Variants in GPR153 observed in about 807,000 individuals in gnomAD.
The protein encoded by GPR153 is probable G protein-coupled receptor 153.
A neutral mutation model predicts 34.1 loss-of-function variants in GPR153; 27 were observed. That is an observed-to-expected ratio of 0.79 (90% CI 0.58 to 1.09). The LOEUF (loss-of-function observed/expected upper bound fraction) is 1.09, where lower values mean the gene tolerates loss of function less well. GPR153 is among the 50% of genes least tolerant of loss of function. The pLI, the probability that GPR153 is intolerant of heterozygous loss-of-function variation, is 0.00. For synonymous variants in GPR153, 408 were observed against 405.4 expected (o/e 1.01, Z -0.08); for missense variants, 848 against 860.2 (o/e 0.99, Z 0.18).
chr1:6,259,665 G>C (rs1239539970), intron 1 of GPR153, among the ~76,000 whole-genome samples: 1 of 152,132 alleles, frequency 6.6e-6, no homozygotes, highest in Non-Finnish European at 1.5e-5. Context: ...CCTGGGCACT[G>C]TAGTCTTGGC....
rs770961907 is a variant in GPR153, at chr1:6,251,307, C to G, written c.979+31G>C. The G allele has an allele frequency of 3.2e-6, 5 of 1,546,122 alleles. 1 individual carries two copies. The South Asian group carries it at 6.0e-5, about 19-fold the overall frequency. ...CCAATGACCTAACCTAGACGCCACT[C>G]TCCCTGGGGCCACTCTCAGGCCATC... On this transcript the variant is annotated intron_variant, in intron 4 of 5. Transcript: ENST00000377893. The surrounding 1 kb of genome is among the most constrained non-coding windows in gnomAD (Gnocchi z 4.9).
intron 5 of GPR153, 81 bp from the exon 6 acceptor site, chr1:6,250,084 C>A: frequency 1.6e-6 from 2 of 1,278,646 alleles, no homozygotes; most frequent in Non-Finnish European, 2.0e-6. Context: ...TGGGGAAAGG[C>A]CTTCCGTGGG....
chr1:6,254,205 G>T (rs548697527), intron 2 of GPR153, 58 bp from the exon 3 acceptor site: 3 of 1,508,318 alleles, frequency 2.0e-6, no homozygotes, highest in Non-Finnish European at 2.7e-6. Context: ...GCCTCCCCAG[G>T]CCTCTGGGGA....
In GPR153 at chr1:6,247,435, C is replaced by A. The variant is rs920515712; in HGVS notation, c.*1903G>T. The A allele has an allele frequency of 1.3e-5, 2 of 152,228 alleles. No homozygotes were observed. The highest frequency in any genetic ancestry group is 6.5e-5 in the Admixed American group (1 of 15,286). 9.4% of individuals were successfully genotyped at this position (152,228 alleles called of 1,614,324 possible). A position where few individuals can be genotyped will look rare whatever the true frequency, so the allele number is the denominator to read the frequency against. On this transcript the variant is annotated 3_prime_UTR_variant, in exon 6 of 6. Coordinates refer to ENST00000377893, the MANE Select transcript of GPR153 (RefSeq NM_207370.4). ...CAAAAAACTACAAAGGGATCCCTGG[C>A]TCTGGGTGTGCTATGAAGACAACTC...
rs551645630 is a variant in GPR153, at chr1:6,258,473, G to A, written c.-110+2352C>T. On this transcript the variant is annotated intron_variant, in intron 1 of 5. Coordinates refer to ENST00000377893, the MANE Select transcript of GPR153 (RefSeq NM_207370.4). Reference sequence around the variant, plus strand: ...CCAAGACACTGAGCTTGGAGGTGCCGGGGAGCCTCAGACCTGTGGGCAGAT... The same window carrying A: ...CCAAGACACTGAGCTTGGAGGTGCCAGGGAGCCTCAGACCTGTGGGCAGAT... Among the ~76,000 whole-genome samples the A allele has an allele frequency of 9.0e-4, 137 of 152,298 alleles. 1 individual carries two copies. The highest frequency in any genetic ancestry group is 1.4e-3 in the Non-Finnish European group (95 of 68,024).
At chr1:6,260,043 A>G (rs888853501) in intron 1 of GPR153, among the ~76,000 whole-genome samples, 1 of 152,106 alleles carries the variant, frequency 6.6e-6, no homozygotes, top group Non-Finnish European at 1.5e-5. Context: ...AGGTGCAACT[A>G]GCCTGGGACC....
At position 6,249,208 on chromosome 1, in the gene GPR153, G is replaced by A. The variant is rs979676960; in HGVS notation, c.*130C>T. On this transcript the variant is annotated 3_prime_UTR_variant, in exon 6 of 6. Coordinates refer to ENST00000377893, the MANE Select transcript of GPR153 (RefSeq NM_207370.4). The surrounding 1 kb of genome is among the most constrained non-coding windows in gnomAD (Gnocchi z 4.3). ...GGAGGAGCCGGAAGACAAACGCTGA[G>A]GCCAACGCCCCCTCACCCCTGGGAG... 4.6e-6 allele frequency: 3 copies of A among 657,044 alleles called. No homozygotes were observed. The highest frequency in any genetic ancestry group is 4.4e-5 in the Admixed American group (1 of 22,478). The allele number at this position is 657,044 out of a possible 1,614,324, so 40.7% of individuals were successfully genotyped here.
intron 5 of GPR153, 60 bp from the exon 6 acceptor site, chr1:6,250,063 C>G (rs1638406883): frequency 1.6e-6 from 2 of 1,265,636 alleles, no homozygotes; most frequent in East Asian, 6.3e-5. Context: ...GGGACAAACC[C>G]TTCTCCACCC....
intron 1 of GPR153, among the ~76,000 whole-genome samples, chr1:6,258,935 T>C (rs986014134): frequency 3.3e-5 from 5 of 152,236 alleles, no homozygotes; most frequent in Non-Finnish European, 7.3e-5. Context: ...TCCTCTCGTC[T>C]AGCCTAATGC....
chr1:6,249,826 G>A lies in GPR153; in HGVS notation c.1342C>T (p.Pro448Ser), dbSNP rs1183395833. ...ASLLAFAEDA[P>S]PSRARRRSAE... ...GAGCGGCGGCGCGCGCGGGACGGTGGTGCGTCCTCCGCGAAGGCCAGGAGG... is the reference window on the plus strand; with the variant it reads ...GAGCGGCGGCGCGCGCGGGACGGTGATGCGTCCTCCGCGAAGGCCAGGAGG... Residue 448 changes from proline (P) to serine (S), a missense_variant, in exon 6 of 6, where the codon CCA becomes TCA. Coordinates refer to ENST00000377893, the MANE Select transcript of GPR153 (RefSeq NM_207370.4). The surrounding 1 kb of genome is among the most constrained non-coding windows in gnomAD (Gnocchi z 4.3). 1.6e-6 allele frequency: 2 copies of A among 1,226,606 alleles called. No individual in the cohort carries two copies. The highest frequency in any genetic ancestry group is 2.0e-6 in the Non-Finnish European group (2 of 984,008). The allele number at this position is 1,226,606 out of a possible 1,614,324, so 76.0% of individuals were successfully genotyped here. A position where few individuals can be genotyped will look rare whatever the true frequency, so the allele number is the denominator to read the frequency against.
intron 1 of GPR153, among the ~76,000 whole-genome samples, chr1:6,258,573 T>C (rs1367689476): frequency 6.6e-6 from 1 of 152,126 alleles, no homozygotes; most frequent in Non-Finnish European, 1.5e-5. Flanking sequence ...CCTCCAGCCT[T>C]TGGGGTGCCT....
chr1:6,251,486 CCAGGGCGCTGAGGCGTCGGCCCG>C lies in GPR153; in HGVS notation c.808_830del (p.Arg270AspfsTer29). 6.2e-7 allele frequency: 1 copy of C among 1,612,272 alleles called. No homozygotes were observed. Among genetic ancestry groups the C allele is most frequent in the Non-Finnish European group, 8.5e-7 (1 of 1,179,666 alleles). On this transcript the variant is annotated frameshift_variant, in exon 4 of 6. Coordinates refer to ENST00000377893, the MANE Select transcript of GPR153 (RefSeq NM_207370.4). LOFTEE classifies it high-confidence loss of function. The surrounding 1 kb of genome is among the most constrained non-coding windows in gnomAD (Gnocchi z 4.9). ...AGCACCACAGCACGCAGAGTGCCAT[CCAGGGCGCTGAGGCGTCGGCCCG>C]CAGGCTGCTGAAGCTCACCACCTGT...
In GPR153 at chr1:6,254,086, T is replaced by A. The variant is rs1301083815; in HGVS notation, c.418A>T (p.Ile140Phe). The A allele has an allele frequency of 6.2e-7, 1 of 1,613,576 alleles. No homozygotes were observed. The highest frequency in any genetic ancestry group is 8.5e-7 in the Non-Finnish European group (1 of 1,179,998). Residue 140 changes from isoleucine to phenylalanine, a missense_variant, in exon 3 of 6, where the codon ATC (isoleucine) becomes TTC (phenylalanine). Coordinates refer to ENST00000377893, the MANE Select transcript of GPR153 (RefSeq NM_207370.4). ...CCAACGGCAGGCAGGGCCGACAGGA[T>A]GAAGGACACCATCCAGATACCCATG... ...TVMGIWMVSFILSALPAVGWH... is the reference protein window; with the variant it reads ...TVMGIWMVSFFLSALPAVGWH...
Position 6,251,836 on chromosome 1 carries a change from C to A in GPR153, c.787-306G>T, listed in dbSNP as rs1390012213. Among the ~76,000 whole-genome samples, 1 of 152,224 alleles carries A rather than the reference C, an allele frequency of 6.6e-6. No homozygotes were observed. The highest frequency in any genetic ancestry group is 1.5e-5 in the Non-Finnish European group (1 of 68,046). ...GTTTTGAGACAGTCTCATTCTGTCA[C>A]CCAGGCTGGAGTGCAGTGGCTCAAT... is the stretch of plus-strand genomic sequence containing the variant. On this transcript the variant is annotated intron_variant, in intron 3 of 5. Transcript: ENST00000377893. This position sits in a 1 kb window ranked among gnomAD's most constrained non-coding sequence, Gnocchi z 4.9.
chr1:6,249,771 G>A lies in GPR153; in HGVS notation c.1397C>T (p.Ser466Leu). Residue 466 changes from serine to leucine, a missense_variant, in exon 6 of 6, where the codon TCG (serine) becomes TTG (leucine). Physicochemically the swap from Ser to Leu is moderately radical, Grantham distance 145. Coordinates refer to ENST00000377893, the MANE Select transcript of GPR153 (RefSeq NM_207370.4). The surrounding 1 kb of genome is among the most constrained non-coding windows in gnomAD (Gnocchi z 4.3). ...TCCCCGCGGGCCGCTATCCAGGGCCGAGGGCCGCAGCGACAGCAGGCTCTC... is the reference window on the plus strand; with the variant it reads ...TCCCCGCGGGCCGCTATCCAGGGCCAAGGGCCGCAGCGACAGCAGGCTCTC... ...SAESLLSLRP[S>L]ALDSGPRGAR... is the part of the protein sequence containing the mutation. 1.7e-6 allele frequency: 2 copies of A among 1,146,274 alleles called. No individual in the cohort carries two copies. Among genetic ancestry groups the A allele is most frequent in the East Asian group, 4.5e-5 (1 of 22,090 alleles). 71.0% of individuals were successfully genotyped at this position (1,146,274 alleles called of 1,614,324 possible).
At position 6,251,324 on chromosome 1, in the gene GPR153, C is replaced by T. The variant is rs910976721; in HGVS notation, c.979+14G>A. 1 of 1,588,862 alleles carries T rather than the reference C, an allele frequency of 6.3e-7. No individual in the cohort carries two copies. The highest frequency in any genetic ancestry group is 1.3e-5 in the African/African-American group (1 of 74,486). On this transcript the variant is annotated intron_variant, in intron 4 of 5. Coordinates refer to ENST00000377893, the MANE Select transcript of GPR153 (RefSeq NM_207370.4). This position sits in a 1 kb window ranked among gnomAD's most constrained non-coding sequence, Gnocchi z 4.9. ...ACGCCACTCTCCCTGGGGCCACTCT[C>T]AGGCCATCCTCACCATCGTCTGACT...
chr1:6,250,435 C>T lies in GPR153; in HGVS notation c.1164+5G>A, dbSNP rs200487058. ...GTGCGGCCTCTCCCCCAGCCCTGCGCTCACCTGCAGGTATTGCATCTTGTC... is the reference window on the plus strand; with the variant it reads ...GTGCGGCCTCTCCCCCAGCCCTGCGTTCACCTGCAGGTATTGCATCTTGTC... On this transcript the variant is annotated splice_donor_5th_base_variant and intron_variant, in intron 5 of 5. Coordinates refer to ENST00000377893, the MANE Select transcript of GPR153 (RefSeq NM_207370.4). 6.3e-7 allele frequency: 1 copy of T among 1,582,462 alleles called. No homozygotes were observed. The highest frequency in any genetic ancestry group is 2.3e-5 in the East Asian group (1 of 43,596).
Position 6,253,892 on chromosome 1 carries a change from C to T in GPR153, c.612G>A (p.Gly204=), listed in dbSNP as rs1638504251. 4 of 1,604,316 alleles carry T rather than the reference C, an allele frequency of 2.5e-6. No individual in the cohort carries two copies. The Admixed American group carries it at 5.1e-5, about 20-fold the overall frequency. Reference sequence around the variant, plus strand: ...TGAAGGCGCGGCGGTCGGCCTGGCGCCCCACCTGCACGGCCAGCGTCTGGA... The same window carrying T: ...TGAAGGCGCGGCGGTCGGCCTGGCGTCCCACCTGCACGGCCAGCGTCTGGA... ...ALFQTLAVQV[G]RQADRRAFTV... is the part of the protein sequence containing the mutation. Residue 204 remains glycine (G), a synonymous_variant, in exon 3 of 6, where the codon GGG becomes GGA. Coordinates refer to ENST00000377893, the MANE Select transcript of GPR153 (RefSeq NM_207370.4).
In GPR153 at chr1:6,250,424, C is replaced by G; in HGVS notation, c.1164+16G>C. On this transcript the variant is annotated intron_variant, in intron 5 of 5. Coordinates refer to ENST00000377893, the MANE Select transcript of GPR153 (RefSeq NM_207370.4). ...GTCACCCGCAGGTGCGGCCTCTCCC[C>G]CAGCCCTGCGCTCACCTGCAGGTAT... is the stretch of plus-strand genomic sequence containing the variant. 2 of 1,561,196 alleles carry G rather than the reference C, an allele frequency of 1.3e-6. No homozygotes were observed. Among genetic ancestry groups the G allele is most frequent in the Non-Finnish European group, 8.7e-7 (1 of 1,152,566 alleles).
Sources: allele counts gnomAD v4.1 joint callset (sites outside exome capture counted in the v4.1 genomes callset), GRCh38; gene constraint gnomAD v4.1.1; non-coding constraint Gnocchi (gnomAD v3.1); transcripts MANE v1.5; gene names NCBI Gene and HGNC (gene_info 2026-07-23, HGNC 2026-07-21).